The following MCAM variants were observed in gnomAD, a reference collection of about 807,000 sequenced individuals.
MCAM encodes the protein melanoma cell adhesion molecule.
Under a neutral mutation model 79.1 loss-of-function variants are expected in MCAM, and 55 were observed. The observed-to-expected ratio is 0.70, with a 90% CI of 0.56 to 0.87. The LOEUF (loss-of-function observed/expected upper bound fraction) is 0.87. Ranked by LOEUF, MCAM falls within the 40% of genes least tolerant of loss-of-function variation. The pLI is 0.00. For missense variants in MCAM, 745 were observed against 839.8 expected (o/e 0.89, Z 1.40); for synonymous variants, 330 against 339.8 (o/e 0.97, Z 0.32).
Position 119,311,389 on chromosome 11 carries a change from G to A in MCAM, c.1440C>T (p.Val480=), listed in dbSNP as rs745400343. 2 of 1,614,168 alleles carry A rather than the reference G, an allele frequency of 1.2e-6. No individual in the cohort carries two copies. The highest frequency in any genetic ancestry group is 3.3e-5 in the Admixed American group (2 of 60,018). Reference sequence around the variant, plus strand: ...TCACGAGGACATTCAGGGTGCTCAGGACTCGCTGTGGATCTTGGTCTTGTT... The same window carrying A: ...TCACGAGGACATTCAGGGTGCTCAGAACTCGCTGTGGATCTTGGTCTTGTT... ...ASEQDQDPQR[V]LSTLNVLVTP... is the part of the protein sequence containing the mutation. Residue 480 remains valine (V), a synonymous_variant, in exon 12 of 16, where the codon GTC becomes GTT. Coordinates refer to ENST00000264036, the MANE Select transcript of MCAM (RefSeq NM_006500.3). The surrounding 1 kb of genome is among the most constrained non-coding windows in gnomAD (Gnocchi z 4.4).
chr11:119,312,665 G>C lies in MCAM; in HGVS notation c.740-17C>G. 1 of 1,612,452 alleles carries C rather than the reference G, an allele frequency of 6.2e-7. No homozygotes were observed. The highest frequency in any genetic ancestry group is 8.5e-7 in the Non-Finnish European group (1 of 1,180,022). ...CTGTCGGGTCTGCATAGGCAAAGGGGGTAGCTCTTGGCCCATGAGTCAACC... is the reference window on the plus strand; with the variant it reads ...CTGTCGGGTCTGCATAGGCAAAGGGCGTAGCTCTTGGCCCATGAGTCAACC... On this transcript the variant is annotated splice_polypyrimidine_tract_variant and intron_variant, in intron 6 of 15. Coordinates refer to ENST00000264036, the MANE Select transcript of MCAM (RefSeq NM_006500.3). The surrounding 1 kb of genome is among the most constrained non-coding windows in gnomAD (Gnocchi z 4.9).
chr11:119,310,482 G>A lies in MCAM; in HGVS notation c.1794-16C>T, dbSNP rs764064328. On this transcript the variant is annotated splice_polypyrimidine_tract_variant and intron_variant, in intron 14 of 15. Transcript: ENST00000264036. ...GGGTAGCGTGCTGGGAGGAGGGAGG[G>A]AGGTGAGAGGTTGGTATCTCAGGGC... 2.6e-6 allele frequency: 4 copies of A among 1,514,116 alleles called. No homozygotes were observed. Among genetic ancestry groups the A allele is most frequent in the Non-Finnish European group, 2.8e-6 (3 of 1,089,394 alleles). 93.8% of individuals were successfully genotyped at this position (1,514,116 alleles called of 1,614,324 possible).
At chr11:119,310,492 G>T in intron 14 of MCAM, 26 bp from the exon 15 acceptor site, 2 of 1,460,088 alleles carry the variant, frequency 1.4e-6, no homozygotes, top group Non-Finnish European at 1.9e-6. Flanking sequence ...GAGGTGAGAG[G>T]TTGGTATCTC....
chr11:119,316,663 A>C lies in MCAM; in HGVS notation c.67+372T>G. 1 of 195,028 alleles carries C rather than the reference A, an allele frequency of 5.1e-6. No individual in the cohort carries two copies. Among genetic ancestry groups the C allele is most frequent in the African/African-American group, 2.3e-5 (1 of 42,972 alleles). The allele number at this position is 195,028 out of a possible 1,614,324, so 12.1% of individuals were successfully genotyped here. A position where few individuals can be genotyped will look rare whatever the true frequency, so the allele number is the denominator to read the frequency against. On this transcript the variant is annotated intron_variant, in intron 1 of 15. Transcript: ENST00000264036. This position sits in a 1 kb window ranked among gnomAD's most constrained non-coding sequence, Gnocchi z 4.8. ...TTTTCCAGCAACAGGCGGGCGCGGA[A>C]TTCAGGCTTTGAGGATGCGCCCCAG...
Position 119,315,061 on chromosome 11 carries a change from G to T in MCAM, c.193-21C>A. On this transcript the variant is annotated intron_variant, in intron 2 of 15. Coordinates refer to ENST00000264036, the MANE Select transcript of MCAM (RefSeq NM_006500.3). This position sits in a 1 kb window ranked among gnomAD's most constrained non-coding sequence, Gnocchi z 4.4. Reference sequence around the variant, plus strand: ...TGGACCTAATGGGAGGAGACACAGAGGAGGAGAAGGGTCCTGGGCTACAAG... The same window carrying T: ...TGGACCTAATGGGAGGAGACACAGATGAGGAGAAGGGTCCTGGGCTACAAG... The T allele has an allele frequency of 1.9e-6, 3 of 1,609,346 alleles. No homozygotes were observed. Among genetic ancestry groups the T allele is most frequent in the Non-Finnish European group, 1.7e-6 (2 of 1,179,562 alleles).
At position 119,316,166 on chromosome 11, in the gene MCAM, C is replaced by A. The variant is rs1338286529; in HGVS notation, c.67+869G>T. On this transcript the variant is annotated intron_variant, in intron 1 of 15. Transcript: ENST00000264036. The surrounding 1 kb of genome is among the most constrained non-coding windows in gnomAD (Gnocchi z 4.8). ...GCCTGGGAGGCAGTAGCCTGGAATA[C>A]CCCAGGGACATGGTTGGCACTGGGC... 6.6e-6 allele frequency: 1 copy of A among 152,416 alleles called. No homozygotes were observed. The highest frequency in any genetic ancestry group is 1.9e-4 in the East Asian group (1 of 5,194). The allele number at this position is 152,416 out of a possible 1,614,324, so 9.4% of individuals were successfully genotyped here.
In MCAM at chr11:119,308,560, TATATATATATTTTC is replaced by T. The variant is rs1950173093; in HGVS notation, c.*1312_*1325del. 6.6e-6 allele frequency: 1 copy of T among 150,586 alleles called. No individual in the cohort carries two copies. The highest frequency in any genetic ancestry group is 1.5e-5 in the Non-Finnish European group (1 of 67,714). The allele number at this position is 150,586 out of a possible 1,614,324, so 9.3% of individuals were successfully genotyped here. A position where few individuals can be genotyped will look rare whatever the true frequency, so the allele number is the denominator to read the frequency against. On this transcript the variant is annotated 3_prime_UTR_variant, in exon 16 of 16. Coordinates refer to ENST00000264036, the MANE Select transcript of MCAM (RefSeq NM_006500.3). ...GGACAATTAAGCTTTATTTTTCATA[TATATATATATTTTC>T]ATATATATATATACATACATATATA...
chr11:119,313,889 A>G, intron 5 of MCAM: 8 of 894,870 alleles, frequency 8.9e-6, no homozygotes, highest in Non-Finnish European at 1.1e-5. Context: ...ACCCCTGGTT[A>G]AGAATGACTG....
intron 5 of MCAM, 115 bp from the exon 6 acceptor site, chr11:119,313,064 GAAGGCCAGGTACA>G: frequency 6.4e-7 from 1 of 1,562,516 alleles, no homozygotes; most frequent in Non-Finnish European, 8.6e-7. Flanking sequence ...GTCCCCTGTA[GAAGGCCAGGTACA>G]AATGCAAGCT....
In MCAM at chr11:119,316,854, T is replaced by C. The variant is rs909495861; in HGVS notation, c.67+181A>G. 2 of 553,768 alleles carry C rather than the reference T, an allele frequency of 3.6e-6. No individual in the cohort carries two copies. The highest frequency in any genetic ancestry group is 3.2e-6 in the Non-Finnish European group (1 of 316,482). The allele number at this position is 553,768 out of a possible 1,614,324, so 34.3% of individuals were successfully genotyped here. On this transcript the variant is annotated intron_variant, in intron 1 of 15. Transcript: ENST00000264036. This position sits in a 1 kb window ranked among gnomAD's most constrained non-coding sequence, Gnocchi z 4.8. ...TCCCGGGATACTCTAGAATCCCGGC[T>C]GCAAACTGGCTGCAAAGAAGAGTTG...
At position 119,312,138 on chromosome 11, in the gene MCAM, G is replaced by A; in HGVS notation, c.1057C>T (p.Pro353Ser). Reference sequence around the variant, plus strand: ...AGGCTGCTGCCTTCCTGTCTCTCAGGGGCTGCGGGACTCACTCGGACGTCA... The same window carrying A: ...AGGCTGCTGCCTTCCTGTCTCTCAGAGGCTGCGGGACTCACTCGGACGTCA... ...VSDVRVSPAA[P>S]ERQEGSSLTL... Residue 353 changes from proline (P) to serine (S), a missense_variant, in exon 9 of 16, where the codon CCT becomes TCT. Physicochemically the swap from Pro to Ser is moderately conservative, Grantham distance 74. Transcript: ENST00000264036. The surrounding 1 kb of genome is among the most constrained non-coding windows in gnomAD (Gnocchi z 4.9). 6.2e-7 allele frequency: 1 copy of A among 1,613,514 alleles called. No homozygotes were observed. Among genetic ancestry groups the A allele is most frequent in the Non-Finnish European group, 8.5e-7 (1 of 1,179,752 alleles).
In MCAM at chr11:119,315,319, C is replaced by T. The variant is rs1950296837; in HGVS notation, c.68-56G>A. The T allele has an allele frequency of 2.6e-6, 4 of 1,560,956 alleles. No individual in the cohort carries two copies. ...GTGTCAGCTCCGGCTGCTGTCCGCC[C>T]CTCCCCTCGCAGCGCTGCTGCAGCT... is the stretch of plus-strand genomic sequence containing the variant. On this transcript the variant is annotated intron_variant, in intron 1 of 15. Coordinates refer to ENST00000264036, the MANE Select transcript of MCAM (RefSeq NM_006500.3). The surrounding 1 kb of genome is among the most constrained non-coding windows in gnomAD (Gnocchi z 4.4).
Position 119,311,646 on chromosome 11 carries a change from G to A in MCAM, c.1291C>T (p.Pro431Ser), listed in dbSNP as rs1950235709. The change falls in exon 11 of 16, where the codon CCT becomes TCT. Residue 431 changes from proline to serine, a missense_variant. Physicochemically the swap from Pro to Ser is moderately conservative, Grantham distance 74. Coordinates refer to ENST00000264036, the MANE Select transcript of MCAM (RefSeq NM_006500.3). This position sits in a 1 kb window ranked among gnomAD's most constrained non-coding sequence, Gnocchi z 4.4. ...TTCCTCTCCTTGAATGCCATCCAAGGGGGGCCTTGGGGAGGTAGGGAGAGG... is the reference window on the plus strand; with the variant it reads ...TTCCTCTCCTTGAATGCCATCCAAGAGGGGCCTTGGGGAGGTAGGGAGAGG... Reference protein sequence around the residue: ...QLVNVAIFGPPWMAFKERKVW... With the variant: ...QLVNVAIFGPSWMAFKERKVW... The A allele has an allele frequency of 1.2e-6, 2 of 1,613,924 alleles. No individual in the cohort carries two copies. Among genetic ancestry groups the A allele is most frequent in the Non-Finnish European group, 1.7e-6 (2 of 1,179,992 alleles).
rs774089706 is a variant in MCAM, at chr11:119,310,871, C to T, written c.1678G>A (p.Val560Met). 1.7e-5 allele frequency: 28 copies of T among 1,614,072 alleles called. No homozygotes were observed. In the South Asian group the frequency reaches 2.1e-4, roughly 12 times the overall value. The part of the protein sequence containing the change: ...RKLPEPESRG[V>M]VIVAVIVCIL... The stretch of plus-strand genomic sequence containing the variant: ...CACACAATCACAGCCACGATGACCA[C>T]GCCCCGGCTCTCCGGCTCCGGCAGC... Residue 560 changes from valine (V) to methionine (M), a missense_variant, in exon 14 of 16, where the codon GTG (valine) becomes ATG (methionine). Val to Met is a conservative substitution (Grantham distance 21). Coordinates refer to ENST00000264036, the MANE Select transcript of MCAM (RefSeq NM_006500.3).
intron 5 of MCAM, chr11:119,314,254 CAT>C (rs1332817351): frequency 1.9e-6 from 1 of 525,182 alleles, no homozygotes; most frequent in African/African-American, 1.9e-5. Context: ...TTCCTGGGCT[CAT>C]ATGATCCTCC....
In MCAM at chr11:119,315,415, C is replaced by T. The variant is rs1950298694; in HGVS notation, c.68-152G>A. 4.0e-6 allele frequency: 4 copies of T among 997,554 alleles called. No individual in the cohort carries two copies. In the Admixed American group the frequency reaches 8.0e-5, roughly 20 times the overall value. 61.8% of individuals were successfully genotyped at this position (997,554 alleles called of 1,614,324 possible). A position where few individuals can be genotyped will look rare whatever the true frequency, so the allele number is the denominator to read the frequency against. ...AACGCTCTACCCCCACCCCGACCCGCGCCCCACCTGGGCCAGCCCTCTCCC... is the reference window on the plus strand; with the variant it reads ...AACGCTCTACCCCCACCCCGACCCGTGCCCCACCTGGGCCAGCCCTCTCCC... On this transcript the variant is annotated intron_variant, in intron 1 of 15. Coordinates refer to ENST00000264036, the MANE Select transcript of MCAM (RefSeq NM_006500.3). The surrounding 1 kb of genome is among the most constrained non-coding windows in gnomAD (Gnocchi z 4.4).
In MCAM at chr11:119,311,187, T is replaced by G; in HGVS notation, c.1550-2A>C. On this transcript the variant is annotated splice_acceptor_variant, in intron 12 of 15. Transcript: ENST00000264036. LOFTEE classifies it high-confidence loss of function. The surrounding 1 kb of genome is among the most constrained non-coding windows in gnomAD (Gnocchi z 4.4). ...CTGGTGTGAGGGTGGTTAAATTGAC[T>G]AGGAGGCAGAGGGAGGGGTGTTAGG... 1 of 1,613,886 alleles carries G rather than the reference T, an allele frequency of 6.2e-7. No homozygotes were observed. Among genetic ancestry groups the G allele is most frequent in the South Asian group, 1.1e-5 (1 of 91,078 alleles).
At chr11:119,313,397 T>A (rs980966692) in intron 5 of MCAM, 1 of 256,444 alleles carries the variant, frequency 3.9e-6, no homozygotes, top group Non-Finnish European at 5.7e-6. Context: ...CTACTGATAA[T>A]TTTTTTTTTT....
chr11:119,312,437 G>T lies in MCAM; in HGVS notation c.862-9C>A, dbSNP rs1950247956. 2 of 1,613,590 alleles carry T rather than the reference G, an allele frequency of 1.2e-6. No individual in the cohort carries two copies. Among genetic ancestry groups the T allele is most frequent in the African/African-American group, 1.3e-5 (1 of 75,014 alleles). On this transcript the variant is annotated splice_polypyrimidine_tract_variant and intron_variant, in intron 7 of 15. Transcript: ENST00000264036. This position sits in a 1 kb window ranked among gnomAD's most constrained non-coding sequence, Gnocchi z 4.9. ...TCCCTGGTGCTGGGGTTCTAGGGAG[G>T]ATTGGGGAGGTGAGCAGAGTGCACC...
Sources: gnomAD v4.1 joint callset for allele counts on GRCh38, gnomAD v4.1.1 for gene constraint, Gnocchi (gnomAD v3.1) non-coding constraint, MANE v1.5 for transcripts, NCBI Gene and HGNC (gene_info 2026-07-23, HGNC 2026-07-21) for gene names.